The following C20orf203 variants were observed in gnomAD, a reference collection of about 807,000 sequenced individuals.
C20orf203 encodes chromosome 20 open reading frame 203, also known as uncharacterized protein C20orf203.
In C20orf203, 16 loss-of-function variants were observed where a neutral mutation model predicts 15.9. The ratio of observed to expected loss-of-function variants is 1.01; its 90% CI spans 0.68 to 1.53. C20orf203 has a LOEUF of 1.53. C20orf203 is among the 40% of genes most tolerant of loss of function. The pLI is 0.00. For synonymous variants in C20orf203, 98 were observed against 97.2 expected, an observed-to-expected ratio of 1.01 and a Z score of -0.05; for missense variants, 263 against 247.5, an observed-to-expected ratio of 1.06 and a Z score of -0.42.
chr20:32,650,456 A>G lies in C20orf203; in HGVS notation c.561T>C (p.Asn187=). The G allele has an allele frequency of 6.4e-7, 1 of 1,550,486 alleles. No homozygotes were observed. Among genetic ancestry groups the G allele is most frequent in the South Asian group, 1.2e-5 (1 of 84,054 alleles). ...PLISKQQFLS[N]SSRSLFN ...GCTAATTAAACAGCGACCGTGATGA[A>G]TTGGAGAGAAACTGCTGCTTGCTAA... Residue 187 remains asparagine (N), a synonymous_variant, in exon 4 of 6, where the codon AAT becomes AAC. Coordinates refer to ENST00000608990, the MANE Select transcript of C20orf203 (RefSeq NM_182584.4).
chr20:32,640,052 A>C (rs1982239948), intron 5 of C20orf203, among the ~76,000 whole-genome samples: 1 of 152,206 alleles, frequency 6.6e-6, no homozygotes, highest in South Asian at 2.1e-4. Flanking sequence ...AAGAGGTCCC[A>C]CAGCCAGGGA....
Position 32,650,576 on chromosome 20 carries a change from G to A in C20orf203, c.441C>T (p.Asp147=), listed in dbSNP as rs1360829264. ...CCAGCGAGGACAGAGCTTGGCCAAAGTCCCCCACCGTGCCCATTCTGGGCA... is the reference window on the plus strand; with the variant it reads ...CCAGCGAGGACAGAGCTTGGCCAAAATCCCCCACCGTGCCCATTCTGGGCA... ...GGMPRMGTVG[D]FGQALSSLAW... Residue 147 remains aspartate (D), a synonymous_variant, in exon 4 of 6, where the codon GAC becomes GAT. Transcript: ENST00000608990. The A allele has an allele frequency of 6.5e-7, 1 of 1,548,634 alleles. No homozygotes were observed. Among genetic ancestry groups the A allele is most frequent in the Non-Finnish European group, 8.7e-7 (1 of 1,145,216 alleles).
At chr20:32,636,471 C>A (rs1040404009) in intron 5 of C20orf203, among the ~76,000 whole-genome samples, 1 of 152,168 alleles carries the variant, frequency 6.6e-6, no homozygotes, top group African/African-American at 2.4e-5. Flanking sequence ...GATAACCTTG[C>A]ACAGCAAAGC....
At chr20:32,673,312 C>T (rs1176174573) in intron 1 of C20orf203, among the ~76,000 whole-genome samples, 1 of 152,170 alleles carries the variant, frequency 6.6e-6, no homozygotes, top group Non-Finnish European at 1.5e-5. Flanking sequence ...CTGCTCCCCT[C>T]AAGACTGGCC....
chr20:32,635,266 G>A (rs909915621), intron 5 of C20orf203, among the ~76,000 whole-genome samples: 1 of 151,974 alleles, frequency 6.6e-6, no homozygotes, highest in South Asian at 2.1e-4. Context: ...TTGGGAGGCC[G>A]AGGCAGGCAG....
chr20:32,642,861 A>G (rs922803050), intron 4 of C20orf203, among the ~76,000 whole-genome samples: 1 of 152,016 alleles, frequency 6.6e-6, no homozygotes, highest in Non-Finnish European at 1.5e-5. Flanking sequence ...GTTACTCTCC[A>G]TCTCTGAGCC....
At chr20:32,647,761 C>T (rs551449582) in intron 4 of C20orf203, among the ~76,000 whole-genome samples, 86 of 152,250 alleles carry the variant, frequency 5.6e-4, no homozygotes, top group Non-Finnish European at 1.1e-3. Context: ...GTTCCCCACC[C>T]GGAGTTGAAA....
intron 1 of C20orf203, among the ~76,000 whole-genome samples, chr20:32,652,909 G>A (rs1982670715): frequency 6.6e-6 from 1 of 152,196 alleles, no homozygotes; most frequent in East Asian, 1.9e-4. Flanking sequence ...TGAGTGCTAG[G>A]TCACTGGCCT....
intron 5 of C20orf203, among the ~76,000 whole-genome samples, chr20:32,639,890 A>G (rs1479073730): frequency 2.0e-5 from 3 of 152,206 alleles, no homozygotes; most frequent in African/African-American, 7.2e-5. Flanking sequence ...ACACGTAATC[A>G]TAACAGGCCC....
In C20orf203 at chr20:32,651,185, A is replaced by G. The variant is rs1323423826; in HGVS notation, c.-14-19T>C. ...CCTCTCTCTAAAAAAAAAAAAAAAA[A>G]AAAAAAAATTAGCTGGGTGTGTTGG... On this transcript the variant is annotated intron_variant, in intron 2 of 5. Coordinates refer to ENST00000608990, the MANE Select transcript of C20orf203 (RefSeq NM_182584.4). 4.3e-5 allele frequency: 23 copies of G among 537,300 alleles called. No individual in the cohort carries two copies. Among genetic ancestry groups the G allele is most frequent in the East Asian group, 6.5e-5 (2 of 30,772 alleles). 33.3% of individuals were successfully genotyped at this position (537,300 alleles called of 1,614,324 possible).
chr20:32,648,189 G>A (rs1053525769), intron 4 of C20orf203, among the ~76,000 whole-genome samples: 2 of 152,092 alleles, frequency 1.3e-5, no homozygotes, highest in Admixed American at 6.5e-5. Flanking sequence ...CAGGGGTGTG[G>A]GATCTGGAGC....
intron 1 of C20orf203, among the ~76,000 whole-genome samples, chr20:32,666,155 T>TAAA (rs147487671): frequency 6.8e-5 from 7 of 102,752 alleles, no homozygotes; most frequent in East Asian, 8.9e-4. Context: ...ATAAATAAAG[T>TAAA]AAAAAAAAAA....
chr20:32,657,267 A>G (rs1007351658), intron 1 of C20orf203: 2 of 152,220 alleles, frequency 1.3e-5, no homozygotes, highest in Non-Finnish European at 2.9e-5. Flanking sequence ...AGGCGAGTGG[A>G]ACACTTGAGG....
At chr20:32,643,209 G>A (rs1401848546) in intron 4 of C20orf203, among the ~76,000 whole-genome samples, 1 of 152,164 alleles carries the variant, frequency 6.6e-6, no homozygotes, top group Non-Finnish European at 1.5e-5. Context: ...AGGCAGCCTG[G>A]GATCAGTGTC....
chr20:32,666,535 G>A (rs558088732), intron 1 of C20orf203, among the ~76,000 whole-genome samples: 42 of 150,846 alleles, frequency 2.8e-4, no homozygotes, highest in African/African-American at 9.5e-4. Flanking sequence ...AGGCTGAGGC[G>A]GGCAGATCAC....
chr20:32,662,462 A>T (rs1330216476), intron 1 of C20orf203, among the ~76,000 whole-genome samples: 1 of 152,112 alleles, frequency 6.6e-6, no homozygotes, highest in Non-Finnish European at 1.5e-5. Flanking sequence ...TTAGCTGGAC[A>T]TGGTGGCAGG....
intron 1 of C20orf203, among the ~76,000 whole-genome samples, chr20:32,662,802 G>T (rs1982920420): frequency 6.7e-6 from 1 of 149,418 alleles, no homozygotes; most frequent in Admixed American, 6.7e-5. Context: ...AGAATCACTT[G>T]AGCCCAGGAG....
At chr20:32,636,488 C>T (rs548444059) in intron 5 of C20orf203, among the ~76,000 whole-genome samples, 2 of 152,288 alleles carry the variant, frequency 1.3e-5, no homozygotes, top group Admixed American at 1.3e-4. Flanking sequence ...AAGCGCTGGC[C>T]TTTCTAAAAT....
chr20:32,658,248 G>GA (rs1224952688), intron 1 of C20orf203, among the ~76,000 whole-genome samples: 3 of 152,076 alleles, frequency 2.0e-5, no homozygotes, highest in Non-Finnish European at 1.5e-5. Context: ...CCATTCTTAT[G>GA]AAAAAATCTG....
Sources: gnomAD v4.1 joint callset for allele counts (sites outside exome capture counted in the v4.1 genomes callset) on GRCh38, gnomAD v4.1.1 for gene constraint, MANE v1.5 for transcripts, NCBI Gene and HGNC (gene_info 2026-07-23, HGNC 2026-07-21) for gene names.